The following STAG2 variants were observed in gnomAD, a reference collection of about 807,000 sequenced individuals.
STAG2 encodes the protein cohesin subunit SA-2.
STAG2 carries 14 observed loss-of-function variants against 108.1 expected under a neutral mutation model. The observed-to-expected ratio is 0.13, with a 90% CI of 0.09 to 0.20. The LOEUF (loss-of-function observed/expected upper bound fraction) is 0.20, where lower values mean the gene tolerates loss of function less well. STAG2 is among the 10% of genes least tolerant of loss of function. The pLI, the probability that STAG2 is intolerant of heterozygous loss-of-function variation, is 1.00. For synonymous variants in STAG2, 307 were observed against 302.7 expected (o/e 1.01, Z -0.15); for missense variants, 440 against 940.9 (o/e 0.47, Z 6.96).
At chrX:124,085,678 G>A (rs2059083566) in intron 29 of STAG2, among the ~76,000 whole-genome samples, 1 of 106,889 alleles carries the variant, frequency 9.4e-6, no homozygotes, top group Non-Finnish European at 1.9e-5. Flanking sequence ...AGGAGGCCGA[G>A]GCAGGAGAAT....
intron 26 of STAG2, among the ~76,000 whole-genome samples, chrX:124,077,036 A>G (rs566764588): frequency 9.0e-6 from 1 of 111,655 alleles, no homozygotes; most frequent in South Asian, 3.7e-4. Flanking sequence ...TTATACTAAC[A>G]GAATGTGACT....
intron 1 of STAG2, among the ~76,000 whole-genome samples, chrX:124,010,129 A>AT (rs920090396): frequency 1.8e-5 from 2 of 111,506 alleles, no homozygotes; most frequent in Non-Finnish European, 3.8e-5. Context: ...TTCAAATTTA[A>AT]TTTTTTATTG....
chrX:124,099,957 G>A (rs1489449531), intron 34 of STAG2, among the ~76,000 whole-genome samples: 1 of 111,252 alleles, frequency 9.0e-6, no homozygotes, highest in Non-Finnish European at 1.9e-5. Context: ...TTTCTCAGTT[G>A]GAGTATATAG....
intron 1 of STAG2, among the ~76,000 whole-genome samples, chrX:123,986,077 A>ATATACATATATGATATATATCATG (rs2055164619): frequency 2.8e-5 from 3 of 105,652 alleles, no homozygotes; most frequent in African/African-American, 1.0e-4. Context: ...CATATATCAT[A>ATATACATATATGATATATATCATG]TATACATATA....
intron 5 of STAG2, among the ~76,000 whole-genome samples, chrX:124,031,518 C>T (rs2057333936): frequency 9.8e-6 from 1 of 101,619 alleles, no homozygotes; most frequent in South Asian, 4.7e-4. Context: ...AACCACCATG[C>T]CTGGCTAGTG....
chrX:124,064,185 C>G (rs776297790), intron 20 of STAG2, 134 bp downstream of exon 20: 1 of 465,453 alleles, frequency 2.1e-6, no homozygotes, highest in South Asian at 4.6e-5. Context: ...GCTTTTCATT[C>G]TATGACTCAT....
chrX:123,989,563 T>C (rs1309423513), intron 1 of STAG2, among the ~76,000 whole-genome samples: 1 of 110,437 alleles, frequency 9.1e-6, no homozygotes, highest in African/African-American at 3.3e-5. Context: ...GTGTTTTTTC[T>C]TCCAGGAAAA....
intron 1 of STAG2, among the ~76,000 whole-genome samples, chrX:123,978,993 A>T (rs2054752576): frequency 9.0e-6 from 1 of 111,533 alleles, no homozygotes; most frequent in Admixed American, 9.6e-5. Flanking sequence ...TATTGAGTAC[A>T]TTCCATGTGT....
At chrX:124,063,322 C>A in intron 19 of STAG2, 117 bp downstream of exon 19, 1 of 558,098 alleles carries the variant, frequency 1.8e-6, no homozygotes, top group Non-Finnish European at 2.8e-6. Context: ...GAAAGGAAAC[C>A]TATAGCTTAG....
chrX:124,073,634 C>T (rs1006818821), intron 25 of STAG2, among the ~76,000 whole-genome samples: 32 of 111,502 alleles, frequency 2.9e-4, no homozygotes, highest in African/African-American at 8.8e-4. Flanking sequence ...TGTAGCCCAG[C>T]GTGGTTTCAA....
At chrX:124,028,155 C>T (rs1377163115) in intron 4 of STAG2, among the ~76,000 whole-genome samples, 1 of 111,601 alleles carries the variant, frequency 9.0e-6, no homozygotes, top group Non-Finnish European at 1.9e-5. Context: ...TTTCATTGTG[C>T]AATCAGGAAT....
At chrX:124,023,489 A>C (rs1342772571) in intron 3 of STAG2, among the ~76,000 whole-genome samples, 2 of 111,808 alleles carry the variant, frequency 1.8e-5, no homozygotes, top group East Asian at 5.6e-4. Context: ...AGTGGAGTTT[A>C]TGAATCTTCT....
Position 124,068,640 on chromosome X carries a change from C to T in STAG2, c.2342C>T (p.Thr781Ile). 2 of 1,179,527 alleles carry T rather than the reference C, an allele frequency of 1.7e-6. No homozygotes were observed. The highest frequency in any genetic ancestry group is 3.5e-5 in the African/African-American group (2 of 56,592). The change falls in exon 24 of 35, where the codon ACT becomes ATT. Residue 781 changes from threonine (T) to isoleucine (I), a missense_variant. Transcript: ENST00000371145. ...ICQHYLTNVN[T>I]TVKEQAFTIL... ...CAACATTACCTGACCAACGTGAATA[C>T]TACTGTTAAGGAACAGGTTAGTAAT... is the stretch of plus-strand genomic sequence containing the variant.
intron 1 of STAG2, among the ~76,000 whole-genome samples, chrX:123,976,695 C>T (rs2054636032): frequency 1.8e-5 from 2 of 111,908 alleles, no homozygotes; most frequent in Admixed American, 9.5e-5. Flanking sequence ...ACAAGTTGTA[C>T]TAGGCTCCCT....
intron 1 of STAG2, among the ~76,000 whole-genome samples, chrX:123,974,103 A>G (rs2054503501): frequency 9.0e-6 from 1 of 111,727 alleles, no homozygotes; most frequent in African/African-American, 3.2e-5. Flanking sequence ...GAAAAACTTC[A>G]GGGAAAAATA....
rs1569507217 is a variant in STAG2 at position 124,029,015 on chromosome X, T to TATA, written c.124-1946_124-1945insATA. ...TATATATATATATATATATATATATTTATTTATTTATTTATTTTTGAGACG... is the reference window on the plus strand; with the variant it reads ...TATATATATATATATATATATATATTATATATTTATTTATTTATTTTTGAGACG... On this transcript the variant is annotated intron_variant, in intron 4 of 34. Transcript: ENST00000371145. 1.7e-4 allele frequency among the ~76,000 whole-genome samples: 17 copies of TATA among 98,294 alleles called. 1 individual carries two copies. The highest frequency in any genetic ancestry group is 6.6e-4 in the African/African-American group (17 of 25,817). The allele number at this position is 98,294 out of a possible 115,157, so 85.4% of individuals were successfully genotyped here.
chrX:123,965,147 G>A (rs1322549236), intron 1 of STAG2, among the ~76,000 whole-genome samples: 1 of 111,551 alleles, frequency 9.0e-6, no homozygotes, highest in Non-Finnish European at 1.9e-5. Context: ...CCATTAGTCT[G>A]TTTGTGTATT....
chrX:124,083,389 T>C, intron 28 of STAG2, 32 bp from the exon 29 acceptor site: 2 of 1,091,706 alleles, frequency 1.8e-6, no homozygotes, highest in Non-Finnish European at 2.4e-6. Context: ...CCTCAAATAT[T>C]TATTTCAATT....
chrX:124,065,325 A>C (rs1406948552), intron 20 of STAG2, among the ~76,000 whole-genome samples: 1 of 111,961 alleles, frequency 8.9e-6, no homozygotes, highest in Non-Finnish European at 1.9e-5. Context: ...TGTGTAAGCA[A>C]TTTTATGTTT....
Sources: allele counts gnomAD v4.1 joint callset (sites outside exome capture counted in the v4.1 genomes callset), GRCh38; gene constraint gnomAD v4.1.1; transcripts MANE v1.5; gene names NCBI Gene and HGNC (gene_info 2026-07-23, HGNC 2026-07-21).